The following PCYOX1L variants were observed in gnomAD, a reference collection of about 807,000 sequenced individuals.
The protein encoded by PCYOX1L is prenylcysteine oxidase 1-like.
Under a neutral mutation model 44.1 loss-of-function variants are expected in PCYOX1L, and 40 were observed. That is an observed-to-expected ratio of 0.91 (90% confidence interval 0.70 to 1.18). PCYOX1L has a LOEUF of 1.18. Ranked by LOEUF, PCYOX1L falls within the 50% of genes most tolerant of loss-of-function variation. The pLI is 0.00. For missense variants in PCYOX1L, 605 were observed against 653.3 expected (o/e 0.93, Z 0.81); for synonymous variants, 266 against 282.8 (o/e 0.94, Z 0.60).
chr5:149,368,000 A>T lies in PCYOX1L; in HGVS notation c.831A>T (p.Lys277Asn). 6.6e-7 allele frequency: 1 copy of T among 1,525,576 alleles called. No homozygotes were observed. Among genetic ancestry groups the T allele is most frequent in the African/African-American group, 1.4e-5 (1 of 71,888 alleles). The allele number at this position is 1,525,576 out of a possible 1,614,324, so 94.5% of individuals were successfully genotyped here. The change falls in exon 6 of 6, where the codon AAA becomes AAT. Residue 277 changes from lysine (K) to asparagine (N), a missense_variant. By Grantham distance (94) the Lys-to-Asn change is moderately conservative. Transcript: ENST00000274569. The stretch of plus-strand genomic sequence containing the variant: ...GTGCTCTTTTCTTTCCAGAGGGGAA[A>T]GCCCTGTACCAGGTGGCGTATGAGA... ...TSVTLHSTEG[K>N]ALYQVAYENE...
At chr5:149,359,969 T>G (rs565196857) in intron 1 of PCYOX1L, among the ~76,000 whole-genome samples, 3 of 152,326 alleles carry the variant, frequency 2.0e-5, no homozygotes, top group African/African-American at 7.2e-5. Context: ...TATGCTGCCC[T>G]TCTCATGCTG....
At chr5:149,362,454 G>T (rs1215726232) in intron 1 of PCYOX1L, 183 bp from the exon 2 acceptor site, 6 of 623,668 alleles carry the variant, frequency 9.6e-6, no homozygotes, top group Non-Finnish European at 1.7e-5. Flanking sequence ...TTTCAGGTTT[G>T]CCTTTGCTTA....
intron 1 of PCYOX1L, 124 bp downstream of exon 1, chr5:149,358,280 T>A: frequency 8.0e-7 from 1 of 1,250,092 alleles, no homozygotes; most frequent in East Asian, 3.3e-5. Context: ...GAAAAGGAGC[T>A]GGGTGGAGGA....
At chr5:149,362,877 C>T (rs770839070) in intron 2 of PCYOX1L, 34 bp downstream of exon 2, 17 of 1,606,414 alleles carry the variant, frequency 1.1e-5, no homozygotes, top group Admixed American at 3.3e-5. Context: ...CAGTGCCCAG[C>T]GCCCTGGGGC....
chr5:149,363,547 G>T, intron 2 of PCYOX1L: 1 of 217,696 alleles, frequency 4.6e-6, no homozygotes, highest in Non-Finnish European at 9.3e-6. Flanking sequence ...CAGATACAGG[G>T]CAATCTCCAA....
chr5:149,368,057 C>G lies in PCYOX1L; in HGVS notation c.888C>G (p.Asp296Glu). The G allele has an allele frequency of 6.3e-7, 1 of 1,593,174 alleles. No homozygotes were observed. Among genetic ancestry groups the G allele is most frequent in the Non-Finnish European group, 8.5e-7 (1 of 1,170,334 alleles). ...TAGGCAACAGCTCTGACTTCTATGA[C>G]ATCGTGGTCATCGCCACCCCCCTGC... The part of the protein sequence containing the change: ...NEVGNSSDFY[D>E]IVVIATPLHL... Residue 296 changes from aspartate (D) to glutamate (E), a missense_variant, in exon 6 of 6, where the codon GAC becomes GAG. Physicochemically the swap from Asp to Glu is conservative, Grantham distance 45. Transcript: ENST00000274569.
At chr5:149,364,877 G>A (rs578181322) in intron 3 of PCYOX1L, 2 of 152,482 alleles carry the variant, frequency 1.3e-5, no homozygotes, top group East Asian at 1.9e-4. Context: ...AGATGTGGAG[G>A]GCAAGTGGTC....
In PCYOX1L at chr5:149,368,070, G is replaced by A. The variant is rs374538025; in HGVS notation, c.901G>A (p.Ala301Thr). 1.0e-5 allele frequency: 16 copies of A among 1,601,698 alleles called. No individual in the cohort carries two copies. The highest frequency in any genetic ancestry group is 2.2e-5 in the East Asian group (1 of 44,838). Residue 301 changes from alanine (A) to threonine (T), a missense_variant, in exon 6 of 6, where the codon GCC (alanine) becomes ACC (threonine). Ala to Thr is a moderately conservative substitution (Grantham distance 58). Coordinates refer to ENST00000274569, the MANE Select transcript of PCYOX1L (RefSeq NM_024028.4). ...SSDFYDIVVI[A>T]TPLHLDNSSS... Reference sequence around the variant, plus strand: ...TGACTTCTATGACATCGTGGTCATCGCCACCCCCCTGCACCTGGACAACAG... The same window carrying A: ...TGACTTCTATGACATCGTGGTCATCACCACCCCCCTGCACCTGGACAACAG...
rs1287070319 is a variant in PCYOX1L at position 149,364,029 on chromosome 5, T to C, written c.296-7T>C. ...GGGACCTGAGGGGCTCCTCTTTGTC[T>C]CTGCAGGGCTGAGGCACCGGCGCGA... On this transcript the variant is annotated splice_polypyrimidine_tract_variant and splice_region_variant and intron_variant, in intron 2 of 5. Coordinates refer to ENST00000274569, the MANE Select transcript of PCYOX1L (RefSeq NM_024028.4). 6.2e-7 allele frequency: 1 copy of C among 1,613,410 alleles called. No homozygotes were observed. The highest frequency in any genetic ancestry group is 2.2e-5 in the East Asian group (1 of 44,886).
chr5:149,362,550 A>C, intron 1 of PCYOX1L, 87 bp from the exon 2 acceptor site: 1 of 1,371,864 alleles, frequency 7.3e-7, no homozygotes, highest in Non-Finnish European at 1.0e-6. Flanking sequence ...GGGAACCACC[A>C]GCGCAGGAGG....
chr5:149,368,945 G>C lies in PCYOX1L; in HGVS notation c.*291G>C, dbSNP rs1349818935. On this transcript the variant is annotated 3_prime_UTR_variant, in exon 6 of 6. Coordinates refer to ENST00000274569, the MANE Select transcript of PCYOX1L (RefSeq NM_024028.4). ...CATCTTCACAAGGTGCTTCAGACTT[G>C]GTTTCTTAGCTAGAAACCAGAAGAC... 7.8e-6 allele frequency: 2 copies of C among 257,880 alleles called. No homozygotes were observed. The highest frequency in any genetic ancestry group is 1.4e-5 in the Non-Finnish European group (2 of 138,138). 16.0% of individuals were successfully genotyped at this position (257,880 alleles called of 1,614,324 possible).
chr5:149,360,471 A>G (rs1052601972), intron 1 of PCYOX1L, among the ~76,000 whole-genome samples: 1 of 152,178 alleles, frequency 6.6e-6, no homozygotes, highest in Non-Finnish European at 1.5e-5. Flanking sequence ...TGTGAGAGGA[A>G]GTGGTTTATT....
At chr5:149,358,217 G>A in intron 1 of PCYOX1L, 61 bp downstream of exon 1, 1 of 1,365,756 alleles carries the variant, frequency 7.3e-7, no homozygotes, top group Non-Finnish European at 9.5e-7. Context: ...AGGGTTCTCA[G>A]TTCTCAGCTA....
intron 1 of PCYOX1L, among the ~76,000 whole-genome samples, chr5:149,359,616 G>C (rs1046227988): frequency 6.6e-6 from 1 of 152,218 alleles, no homozygotes; most frequent in African/African-American, 2.4e-5. Flanking sequence ...AACAGGACAG[G>C]ACATTTCTCA....
chr5:149,359,205 T>A (rs924054455), intron 1 of PCYOX1L, among the ~76,000 whole-genome samples: 1 of 152,182 alleles, frequency 6.6e-6, no homozygotes, highest in Non-Finnish European at 1.5e-5. Flanking sequence ...TAGGCCACTC[T>A]CCATGCACCC....
At chr5:149,366,200 A>G (rs1305637718) in intron 4 of PCYOX1L, 47 bp downstream of exon 4, 9 of 1,586,848 alleles carry the variant, frequency 5.7e-6, no homozygotes, top group East Asian at 2.2e-5. Context: ...CCTCCACCCA[A>G]GGTGCTCAGA....
chr5:149,368,536 T>A lies in PCYOX1L; in HGVS notation c.1367T>A (p.Val456Glu). 6.2e-7 allele frequency: 1 copy of A among 1,608,028 alleles called. No homozygotes were observed. The highest frequency in any genetic ancestry group is 8.5e-7 in the Non-Finnish European group (1 of 1,177,314). Residue 456 changes from valine (V) to glutamate (E), a missense_variant, in exon 6 of 6, where the codon GTG (valine) becomes GAG (glutamate). Physicochemically the swap from Val to Glu is moderately radical, Grantham distance 121. Transcript: ENST00000274569. ...LNALEWAASS[V>E]EVMAVAAKNV... ...GCCCTGGAGTGGGCGGCCAGCTCCG[T>A]GGAGGTGATGGCCGTGGCTGCCAAG...
In PCYOX1L at chr5:149,368,121, T is replaced by G; in HGVS notation, c.952T>G (p.Phe318Val). 3.1e-6 allele frequency: 5 copies of G among 1,613,238 alleles called. No individual in the cohort carries two copies. Among genetic ancestry groups the G allele is most frequent in the Non-Finnish European group, 3.4e-6 (4 of 1,179,494 alleles). ...NSSSNLTFAGFHPPIDDVQGS... is the reference protein window; with the variant it reads ...NSSSNLTFAGVHPPIDDVQGS... ...CAGCAGCAACTTAACCTTTGCAGGCTTCCACCCGCCCATTGATGACGTGCA... is the reference window on the plus strand; with the variant it reads ...CAGCAGCAACTTAACCTTTGCAGGCGTCCACCCGCCCATTGATGACGTGCA... The change falls in exon 6 of 6, where the codon TTC (phenylalanine) becomes GTC (valine). Residue 318 changes from phenylalanine to valine, a missense_variant. Transcript: ENST00000274569.
At position 149,369,492 on chromosome 5, in the gene PCYOX1L, G is replaced by T. The variant is rs755987686; in HGVS notation, c.*838G>T. ...CCCCTAGATGTTCATCCCAGCAGAAGAAAGAAGAAGGTGTTGGGGTAGGAT... is the reference window on the plus strand; with the variant it reads ...CCCCTAGATGTTCATCCCAGCAGAATAAAGAAGAAGGTGTTGGGGTAGGAT... On this transcript the variant is annotated 3_prime_UTR_variant, in exon 6 of 6. Transcript: ENST00000274569. 6.6e-6 allele frequency: 1 copy of T among 152,190 alleles called. No individual in the cohort carries two copies. Among genetic ancestry groups the T allele is most frequent in the Admixed American group, 6.5e-5 (1 of 15,280 alleles). 9.4% of individuals were successfully genotyped at this position (152,190 alleles called of 1,614,324 possible).
Sources: gnomAD v4.1 joint callset for allele counts (sites outside exome capture counted in the v4.1 genomes callset) on GRCh38, gnomAD v4.1.1 for gene constraint, MANE v1.5 for transcripts, NCBI Gene and HGNC (gene_info 2026-07-23, HGNC 2026-07-21) for gene names.